The following ACP7 variants were observed in gnomAD, a reference collection of about 807,000 sequenced individuals.
ACP7 encodes acid phosphatase type 7.
Under a neutral mutation model 60.6 loss-of-function variants are expected in ACP7, and 58 were observed. The ratio of observed to expected loss-of-function variants is 0.96; its 90% CI spans 0.77 to 1.19. ACP7 has a LOEUF of 1.19. Ranked by LOEUF, ACP7 falls within the 50% of genes most tolerant of loss-of-function variation. ACP7 has a pLI of 0.00. For missense variants in ACP7, 574 were observed against 596.2 expected (o/e 0.96, Z 0.39); for synonymous variants, 237 against 232.6 (o/e 1.02, Z -0.17).
rs755952699 is a variant in ACP7 at position 39,100,966 on chromosome 19, G to A, written c.825G>A (p.Arg275=). 8 of 1,613,552 alleles carry A rather than the reference G, an allele frequency of 5.0e-6. No individual in the cohort carries two copies. The Admixed American group carries it at 1.3e-4, about 27-fold the overall frequency. ...CTCCCTAGAAAGCCAATAAGAACCG[G>A]GCAGCCCGGCCGTGGATCATCACTA... ...ESDLQKANKN[R]AARPWIITMG... The change falls in exon 8 of 13, where the codon CGG becomes CGA. Residue 275 remains arginine, a synonymous_variant. Transcript: ENST00000331256.
In ACP7 at chr19:39,098,571, G is replaced by T. The variant is rs375945219; in HGVS notation, c.235G>T (p.Val79Phe). 1.2e-6 allele frequency: 2 copies of T among 1,613,532 alleles called. No homozygotes were observed. Among genetic ancestry groups the T allele is most frequent in the Non-Finnish European group, 1.7e-6 (2 of 1,179,800 alleles). ...PLPLRAQGTF[V>F]PFVDGGILRR... ...GCCCCTCCGCGCCCAGGGCACCTTCGTCCCCTTTGTGGACGGGGGCATTCT... is the reference window on the plus strand; with the variant it reads ...GCCCCTCCGCGCCCAGGGCACCTTCTTCCCCTTTGTGGACGGGGGCATTCT... Residue 79 changes from valine to phenylalanine, a missense_variant, in exon 3 of 13, where the codon GTC (valine) becomes TTC (phenylalanine). Physicochemically the swap from Val to Phe is conservative, Grantham distance 50. Coordinates refer to ENST00000331256, the MANE Select transcript of ACP7 (RefSeq NM_001004318.3).
At chr19:39,094,547 G>A (rs527286697) in intron 2 of ACP7, among the ~76,000 whole-genome samples, 5 of 151,976 alleles carry the variant, frequency 3.3e-5, no homozygotes, top group East Asian at 3.9e-4. Context: ...TAGAAAAGCC[G>A]GGCACATGTT....
At chr19:39,104,041 A>G (rs915298835) in intron 11 of ACP7, among the ~76,000 whole-genome samples, 3 of 150,026 alleles carry the variant, frequency 2.0e-5, no homozygotes, top group Non-Finnish European at 4.4e-5. Context: ...GGAGTTCGAG[A>G]CCAGCCTGGG....
chr19:39,100,509 T>C lies in ACP7; in HGVS notation c.630-71T>C. ...GGAAGCTGGACTCAGGGCCTGACAGTGGCGGGGTATAGGAGTAGGGCTATG... is the reference window on the plus strand; with the variant it reads ...GGAAGCTGGACTCAGGGCCTGACAGCGGCGGGGTATAGGAGTAGGGCTATG... On this transcript the variant is annotated intron_variant, in intron 5 of 12. Coordinates refer to ENST00000331256, the MANE Select transcript of ACP7 (RefSeq NM_001004318.3). 3 of 1,601,178 alleles carry C rather than the reference T, an allele frequency of 1.9e-6. No homozygotes were observed. The African/African-American group carries it at 4.0e-5, about 21-fold the overall frequency.
At chr19:39,086,343 G>A (rs1482927183) in intron 2 of ACP7, among the ~76,000 whole-genome samples, 1 of 151,432 alleles carries the variant, frequency 6.6e-6, no homozygotes, top group Non-Finnish European at 1.5e-5. Context: ...AAAAAATGTG[G>A]AGGAGGCCAG....
rs1464190496 is a variant in ACP7 at position 39,102,723 on chromosome 19, C to CTT, written c.1113+1188_1113+1189dup. ...GCTGTTCCAATGAAGACTTTTCTTTCTTTCTTTCTTTCTTTCTTTCTTTCT... is the reference window on the plus strand; with the variant it reads ...GCTGTTCCAATGAAGACTTTTCTTTCTTTTTCTTTCTTTCTTTCTTTCTTTCT... On this transcript the variant is annotated intron_variant, in intron 11 of 12. Transcript: ENST00000331256. Among the ~76,000 whole-genome samples, 4 of 72,444 alleles carry CTT rather than the reference C, an allele frequency of 5.5e-5. No individual in the cohort carries two copies. The East Asian group carries it at 1.4e-3, about 26-fold the overall frequency. The allele number at this position is 72,444 out of a possible 152,430, so 47.5% of individuals were successfully genotyped here.
chr19:39,091,507 C>G (rs774553394), intron 2 of ACP7, among the ~76,000 whole-genome samples: 1 of 152,168 alleles, frequency 6.6e-6, no homozygotes, highest in Non-Finnish European at 1.5e-5. Flanking sequence ...GATCTGGGCA[C>G]TAGGTGTGCT....
Position 39,099,014 on chromosome 19 carries a change from T to C in ACP7, c.377T>C (p.Leu126Pro). 1 of 1,613,578 alleles carries C rather than the reference T, an allele frequency of 6.2e-7. No individual in the cohort carries two copies. The highest frequency in any genetic ancestry group is 8.5e-7 in the Non-Finnish European group (1 of 1,179,884). The change falls in exon 4 of 13, where the codon CTC becomes CCC. Residue 126 changes from leucine (L) to proline (P), a missense_variant. Physicochemically the swap from Leu to Pro is moderately conservative, Grantham distance 98. Coordinates refer to ENST00000331256, the MANE Select transcript of ACP7 (RefSeq NM_001004318.3). Reference protein sequence around the residue: ...GWSRRFRFRALKNGAHWSPRL... With the variant: ...GWSRRFRFRAPKNGAHWSPRL... ...AGCCGTCGGTTCCGCTTCAGGGCCC[T>C]CAAGAATGGGGCCCACTGGAGTCCC... is the stretch of plus-strand genomic sequence containing the variant.
chr19:39,099,880 C>G (rs191897880), intron 4 of ACP7, among the ~76,000 whole-genome samples: 35 of 150,710 alleles, frequency 2.3e-4, no homozygotes, highest in African/African-American at 7.6e-4. Flanking sequence ...GTAATCCCAG[C>G]TGCTTGGGAG....
intron 2 of ACP7, among the ~76,000 whole-genome samples, chr19:39,096,248 G>C (rs187454018): frequency 3.3e-5 from 5 of 152,248 alleles, no homozygotes; most frequent in Admixed American, 3.3e-4. Flanking sequence ...TTTTAAAACT[G>C]AATGCCTTTA....
At chr19:39,096,021 C>T (rs1425261904) in intron 2 of ACP7, among the ~76,000 whole-genome samples, 2 of 152,224 alleles carry the variant, frequency 1.3e-5, no homozygotes, top group African/African-American at 2.4e-5. Flanking sequence ...CCATTTTTTC[C>T]TCCTAGACCT....
intron 2 of ACP7, among the ~76,000 whole-genome samples, chr19:39,088,256 CAAGTGATCCTCCCACCTCAGCACCCCA>C (rs1273541192): frequency 6.6e-6 from 1 of 152,118 alleles, no homozygotes; most frequent in Non-Finnish European, 1.5e-5. Flanking sequence ...CTCCTGGGCT[CAAGTGATCCTCCCACCTCAGCACCCCA>C]AAGTGCTGGG....
chr19:39,099,131 T>C lies in ACP7; in HGVS notation c.494T>C (p.Val165Ala). ...ACCCAGCAGGGCATGTATGACGCCGTTCTCCATGTGGGTGAGGCATCCGCA... is the reference window on the plus strand; with the variant it reads ...ACCCAGCAGGGCATGTATGACGCCGCTCTCCATGTGGGTGAGGCATCCGCA... ...RDTQQGMYDAVLHVGDFAYNL... is the reference protein window; with the variant it reads ...RDTQQGMYDAALHVGDFAYNL... The change falls in exon 4 of 13, where the codon GTT (valine) becomes GCT (alanine). Residue 165 changes from valine to alanine, a missense_variant. Val to Ala is a moderately conservative substitution (Grantham distance 64). Transcript: ENST00000331256. 6.5e-7 allele frequency: 1 copy of C among 1,547,034 alleles called. No homozygotes were observed. The highest frequency in any genetic ancestry group is 8.7e-7 in the Non-Finnish European group (1 of 1,151,016).
At position 39,085,139 on chromosome 19, in the gene ACP7, T is replaced by G; in HGVS notation, c.-131T>G. On this transcript the variant is annotated 5_prime_UTR_variant, in exon 2 of 13. Transcript: ENST00000331256. ...GAAGGAGACCTCCCTGCCCTGCCTC[T>G]GTTGTCCCCCAGAGCACTGCCTGAT... 8.3e-7 allele frequency: 1 copy of G among 1,206,866 alleles called. No homozygotes were observed. Among genetic ancestry groups the G allele is most frequent in the Non-Finnish European group, 1.1e-6 (1 of 877,876 alleles). 74.8% of individuals were successfully genotyped at this position (1,206,866 alleles called of 1,614,324 possible).
chr19:39,101,378 C>T (rs781451346), intron 10 of ACP7, 23 bp downstream of exon 10: 22 of 1,613,886 alleles, frequency 1.4e-5, no homozygotes, highest in African/African-American at 8.0e-5. Context: ...AAGGGCTGAG[C>T]GCCCACACAG....
chr19:39,097,971 A>C (rs2073286237), intron 2 of ACP7, among the ~76,000 whole-genome samples: 1 of 151,994 alleles, frequency 6.6e-6, no homozygotes, highest in African/African-American at 2.4e-5. Context: ...CAGCTTAGAA[A>C]TGGCAGAGCT....
At chr19:39,086,780 A>G (rs1172245047) in intron 2 of ACP7, among the ~76,000 whole-genome samples, 1 of 152,170 alleles carries the variant, frequency 6.6e-6, no homozygotes, top group East Asian at 1.9e-4. Flanking sequence ...ACTAAAATTT[A>G]TGGAGAAGTT....
intron 11 of ACP7, among the ~76,000 whole-genome samples, chr19:39,103,473 C>T (rs1169651167): frequency 3.1e-5 from 2 of 64,468 alleles, no homozygotes; most frequent in Non-Finnish European, 6.0e-5. Context: ...TTTTGCTCAG[C>T]CTTAGAATCT....
intron 2 of ACP7, among the ~76,000 whole-genome samples, chr19:39,088,457 G>GT (rs1200539282): frequency 1.3e-5 from 2 of 152,236 alleles, no homozygotes; most frequent in Non-Finnish European, 2.9e-5. Flanking sequence ...GGGAAAGGCA[G>GT]TAAAAACCCA....
Sources: gnomAD v4.1 joint callset for allele counts (sites outside exome capture counted in the v4.1 genomes callset) on GRCh38, gnomAD v4.1.1 for gene constraint, MANE v1.5 for transcripts, NCBI Gene and HGNC (gene_info 2026-07-23, HGNC 2026-07-21) for gene names.